The following NEK1 variants were observed in gnomAD, a reference collection of about 807,000 sequenced individuals.
NEK1 encodes the protein NIMA related kinase 1.
In NEK1, 137 loss-of-function variants were observed where a neutral mutation model predicts 182.1. The ratio of observed to expected loss-of-function variants is 0.75; its 90% CI spans 0.65 to 0.87. The LOEUF (loss-of-function observed/expected upper bound fraction) is 0.87, where lower values mean the gene tolerates loss of function less well. Ranked by LOEUF, NEK1 falls within the 40% of genes least tolerant of loss-of-function variation. The pLI, the probability that NEK1 is intolerant of heterozygous loss-of-function variation, is 0.00. For missense variants in NEK1, 1,391 were observed against 1,494.4 expected, an observed-to-expected ratio of 0.93 and a Z score of 1.14; for synonymous variants, 513 against 492.2, an observed-to-expected ratio of 1.04 and a Z score of -0.56.
intron 19 of NEK1, among the ~76,000 whole-genome samples, chr4:169,521,692 C>G (rs1379590372): frequency 6.6e-6 from 1 of 152,146 alleles, no homozygotes; most frequent in Non-Finnish European, 1.5e-5. Context: ...CAGTTTTGGT[C>G]AGATATAGAA....
chr4:169,511,905 T>C (rs1237998652), intron 19 of NEK1, among the ~76,000 whole-genome samples: 1 of 152,186 alleles, frequency 6.6e-6, no homozygotes, highest in Non-Finnish European at 1.5e-5. Flanking sequence ...TAATTATATA[T>C]GGTCCATCTA....
At chr4:169,428,526 C>T (rs1736842968) in intron 29 of NEK1, among the ~76,000 whole-genome samples, 1 of 151,004 alleles carries the variant, frequency 6.6e-6, no homozygotes, top group Admixed American at 6.6e-5. Context: ...TTGCTAAATC[C>T]ACAGAGACAG....
intron 2 of NEK1, among the ~76,000 whole-genome samples, chr4:169,603,230 T>A (rs1770778318): frequency 6.6e-6 from 1 of 152,200 alleles, no homozygotes; most frequent in African/African-American, 2.4e-5. Flanking sequence ...TGTCTACTAA[T>A]ACGTATTTAG....
At chr4:169,509,002 T>C (rs1753766740) in intron 19 of NEK1, 150 bp from the exon 20 acceptor site, 1 of 561,066 alleles carries the variant, frequency 1.8e-6, no homozygotes, top group Non-Finnish European at 3.0e-6. Context: ...GGCGTTTTCC[T>C]ATGTCAACTT....
At position 169,507,185 on chromosome 4, in the gene NEK1, T is replaced by G. The variant is rs934981442; in HGVS notation, c.1912-53A>C. 29 of 803,462 alleles carry G rather than the reference T, an allele frequency of 3.6e-5. 1 individual carries two copies. The highest frequency in any genetic ancestry group is 1.5e-4 in the African/African-American group (7 of 46,340). 49.8% of individuals were successfully genotyped at this position (803,462 alleles called of 1,614,324 possible). A position where few individuals can be genotyped will look rare whatever the true frequency, so the allele number is the denominator to read the frequency against. On this transcript the variant is annotated intron_variant, in intron 22 of 35. Coordinates refer to ENST00000507142, the MANE Select transcript of NEK1 (RefSeq NM_001199397.3). Reference sequence around the variant, plus strand: ...AGTTACCAGAAAGAAGGGCAGAGGTTTTTTTTTTTTTTTTTGGGCCAGGTC... The same window carrying G: ...AGTTACCAGAAAGAAGGGCAGAGGTGTTTTTTTTTTTTTTTGGGCCAGGTC...
intron 12 of NEK1, among the ~76,000 whole-genome samples, chr4:169,563,829 G>C (rs1448145570): frequency 2.0e-5 from 3 of 152,184 alleles, no homozygotes; most frequent in African/African-American, 7.2e-5. Context: ...AGCATCTACT[G>C]AGATGATTTT....
intron 29 of NEK1, among the ~76,000 whole-genome samples, chr4:169,433,207 G>A (rs1263227942): frequency 6.6e-6 from 1 of 151,366 alleles, no homozygotes; most frequent in African/African-American, 2.4e-5. Context: ...CTATAGGCAC[G>A]TGCCACCATG....
chr4:169,529,293 T>G (rs921504659), intron 19 of NEK1, among the ~76,000 whole-genome samples: 2 of 112,712 alleles, frequency 1.8e-5, no homozygotes, highest in African/African-American at 2.5e-5. Context: ...TCAATAAAAA[T>G]TTAAAAACAA....
intron 2 of NEK1, among the ~76,000 whole-genome samples, chr4:169,604,966 C>T (rs1771098779): frequency 6.6e-6 from 1 of 151,966 alleles, no homozygotes; most frequent in Non-Finnish European, 1.5e-5. Context: ...GCTATCTGGG[C>T]ACCAGCCACA....
intron 18 of NEK1, among the ~76,000 whole-genome samples, chr4:169,542,050 G>A (rs1428777098): frequency 6.6e-6 from 1 of 152,044 alleles, no homozygotes; most frequent in African/African-American, 2.4e-5. Flanking sequence ...TACACTTTAA[G>A]TTCTGGGGTA....
At chr4:169,501,662 A>T (rs1237553390) in intron 23 of NEK1, among the ~76,000 whole-genome samples, 6 of 152,184 alleles carry the variant, frequency 3.9e-5, no homozygotes, top group Non-Finnish European at 8.8e-5. Flanking sequence ...TTTGGAAAAC[A>T]ATAAAATTAA....
At chr4:169,598,978 A>G (rs1770029500) in intron 5 of NEK1, 122 bp downstream of exon 5, 2 of 686,630 alleles carry the variant, frequency 2.9e-6, no homozygotes, top group Admixed American at 2.5e-5. Flanking sequence ...AACTATTGAT[A>G]TACTAAACTT....
chr4:169,587,453 T>G (rs1767722438), intron 9 of NEK1, 106 bp downstream of exon 9: 1 of 639,858 alleles, frequency 1.6e-6, no homozygotes, highest in Non-Finnish European at 2.6e-6. Context: ...GAGGAGAATT[T>G]CTAGGATGAG....
intron 12 of NEK1, among the ~76,000 whole-genome samples, chr4:169,568,623 C>T (rs1444023204): frequency 2.0e-5 from 3 of 151,974 alleles, no homozygotes; most frequent in South Asian, 2.1e-4. Context: ...ATTAAAAATA[C>T]GGGCAATATA....
chr4:169,436,695 C>T (rs1480359483), intron 28 of NEK1, among the ~76,000 whole-genome samples: 2 of 152,184 alleles, frequency 1.3e-5, no homozygotes, highest in Non-Finnish European at 2.9e-5. Context: ...GACATGGCCT[C>T]AAGACAAAGA....
intron 32 of NEK1, among the ~76,000 whole-genome samples, chr4:169,405,699 T>A (rs796167510): frequency 7.3e-5 from 11 of 151,272 alleles, no homozygotes; most frequent in African/African-American, 2.7e-4. Context: ...AGTGGCATGA[T>A]CATGGCTCAC....
rs1480160924 is a variant in NEK1, at chr4:169,400,037, A to C, written c.3847+188T>G. ...TAAAAATATGGACTTAAAGGACTTA[A>C]GTCAGTAAAAGTATATGACAGATCA... is the stretch of plus-strand genomic sequence containing the variant. On this transcript the variant is annotated intron_variant, in intron 35 of 35. Coordinates refer to ENST00000507142, the MANE Select transcript of NEK1 (RefSeq NM_001199397.3). 3 of 660,632 alleles carry C rather than the reference A, an allele frequency of 4.5e-6. No individual in the cohort carries two copies. The African/African-American group carries it at 5.5e-5, about 12-fold the overall frequency. 40.9% of individuals were successfully genotyped at this position (660,632 alleles called of 1,614,324 possible). A position where few individuals can be genotyped will look rare whatever the true frequency, so the allele number is the denominator to read the frequency against.
chr4:169,470,802 AG>A (rs746250977), intron 26 of NEK1, among the ~76,000 whole-genome samples: 1 of 152,106 alleles, frequency 6.6e-6, no homozygotes, highest in Admixed American at 6.5e-5. Context: ...TATTTCTCGA[AG>A]GGTCTGTTGT....
chr4:169,450,112 G>T (rs776597650), intron 27 of NEK1, among the ~76,000 whole-genome samples: 1 of 151,858 alleles, frequency 6.6e-6, no homozygotes, highest in African/African-American at 2.4e-5. Context: ...AATAAAGCGA[G>T]AAGAGAAGTT....
Sources: allele counts gnomAD v4.1 joint callset (sites outside exome capture counted in the v4.1 genomes callset), GRCh38; gene constraint gnomAD v4.1.1; transcripts MANE v1.5; gene names NCBI Gene and HGNC (gene_info 2026-07-23, HGNC 2026-07-21).